The following TAFA1 variants were observed in gnomAD, a reference collection of about 807,000 sequenced individuals.
TAFA1 encodes the protein TAFA chemokine like family member 1.
In TAFA1, 4 loss-of-function variants were observed where a neutral mutation model predicts 18.5. That is an observed-to-expected ratio of 0.22 (90% confidence interval 0.11 to 0.49). The LOEUF (loss-of-function observed/expected upper bound fraction) is 0.49, where lower values mean the gene tolerates loss of function less well. Among genes scored for constraint, TAFA1 ranks in the 20% least tolerant of loss-of-function variants. The pLI is 0.98. For synonymous variants in TAFA1, 56 were observed against 55.2 expected (o/e 1.01, Z -0.06); for missense variants, 147 against 169.0 (o/e 0.87, Z 0.72).
intron 2 of TAFA1, among the ~76,000 whole-genome samples, chr3:68,218,172 C>T (rs957179381): frequency 6.6e-6 from 1 of 152,078 alleles, no homozygotes; most frequent in Admixed American, 6.6e-5. Context: ...GTCACAGTTA[C>T]AGAAATTCGA....
intron 1 of TAFA1, among the ~76,000 whole-genome samples, chr3:68,005,906 A>G (rs1704348963): frequency 1.3e-5 from 2 of 152,232 alleles, no homozygotes; most frequent in Non-Finnish European, 1.5e-5. Flanking sequence ...ATATTCATCC[A>G]TAAATACATA....
intron 2 of TAFA1, among the ~76,000 whole-genome samples, chr3:68,192,231 G>T (rs575970111): frequency 6.6e-6 from 1 of 151,888 alleles, no homozygotes; most frequent in East Asian, 2.0e-4. Context: ...AAACTAAACA[G>T]GAGTGATTAA....
chr3:68,033,379 T>A (rs868640262), intron 2 of TAFA1, among the ~76,000 whole-genome samples: 1 of 152,222 alleles, frequency 6.6e-6, no homozygotes, highest in Non-Finnish European at 1.5e-5. Context: ...TCATTTATCT[T>A]TATATCCTTT....
intron 2 of TAFA1, among the ~76,000 whole-genome samples, chr3:68,059,232 G>A (rs553265736): frequency 1.3e-5 from 2 of 151,964 alleles, no homozygotes; most frequent in African/African-American, 2.4e-5. Flanking sequence ...GAAAGTGCCA[G>A]GCACAGCACT....
intron 3 of TAFA1, among the ~76,000 whole-genome samples, chr3:68,516,709 A>C (rs1190082464): frequency 6.6e-6 from 1 of 152,242 alleles, no homozygotes; most frequent in Non-Finnish European, 1.5e-5. Context: ...CCACTGCTAA[A>C]TAAAATCATT....
intron 3 of TAFA1, among the ~76,000 whole-genome samples, chr3:68,521,346 G>T (rs981835866): frequency 5.3e-5 from 8 of 152,190 alleles, no homozygotes; most frequent in African/African-American, 1.9e-4. Context: ...GCTGGAGTGG[G>T]AAGTATCAAG....
In TAFA1 at chr3:68,115,201, A is replaced by G. The variant is rs181487429; in HGVS notation, c.118+108457A>G. On this transcript the variant is annotated intron_variant, in intron 2 of 4. Coordinates refer to ENST00000478136, the MANE Select transcript of TAFA1 (RefSeq NM_213609.4). ...AGTGGCAGTTACATGACAGTTTGCT[A>G]TACGGTAATTAATTAGTTAGTGCAC... is the stretch of plus-strand genomic sequence containing the variant. 2.7e-3 allele frequency among the ~76,000 whole-genome samples: 418 copies of G among 152,306 alleles called. 3 individuals are homozygous for G. The highest frequency in any genetic ancestry group is 9.6e-3 in the African/African-American group (401 of 41,562).
At chr3:68,320,213 T>C (rs944648061) in intron 2 of TAFA1, among the ~76,000 whole-genome samples, 1 of 152,240 alleles carries the variant, frequency 6.6e-6, no homozygotes, top group Non-Finnish European at 1.5e-5. Flanking sequence ...GCTTTCTTAC[T>C]GGTAAAGCAG....
intron 2 of TAFA1, among the ~76,000 whole-genome samples, chr3:68,155,675 A>G (rs1228901830): frequency 6.6e-6 from 1 of 152,152 alleles, no homozygotes; most frequent in Admixed American, 6.5e-5. Flanking sequence ...AAATTAACAA[A>G]TCATTCCATC....
intron 2 of TAFA1, among the ~76,000 whole-genome samples, chr3:68,384,407 C>T (rs2106684983): frequency 6.6e-6 from 1 of 152,118 alleles, no homozygotes; most frequent in South Asian, 2.1e-4. Context: ...TGATTTCTAT[C>T]TTAATTTCAT....
upstream of TAFA1, among the ~76,000 whole-genome samples, chr3:68,001,314 G>C (rs927680738): frequency 2.6e-5 from 4 of 152,178 alleles, no homozygotes; most frequent in Non-Finnish European, 5.9e-5. Context: ...TAATTGTAGA[G>C]ATAGGCTGCT....
At chr3:68,288,067 C>G (rs115848083) in intron 2 of TAFA1, among the ~76,000 whole-genome samples, 399 of 152,220 alleles carry the variant, frequency 2.6e-3, no homozygotes, top group African/African-American at 8.8e-3. Context: ...TCCGAAGCCT[C>G]CTTTGCTCTC....
At chr3:68,389,616 A>G (rs1235398990) in intron 2 of TAFA1, among the ~76,000 whole-genome samples, 1 of 152,176 alleles carries the variant, frequency 6.6e-6, no homozygotes, top group East Asian at 1.9e-4. Context: ...TCCCAGCAAC[A>G]ACAGCAGAGA....
intron 2 of TAFA1, among the ~76,000 whole-genome samples, chr3:68,186,824 CT>C (rs765936508): frequency 1.3e-5 from 2 of 152,050 alleles, no homozygotes; most frequent in African/African-American, 2.4e-5. Flanking sequence ...GAAGCTCAAG[CT>C]TTTGGGATGG....
rs78767295 is a variant in TAFA1, at chr3:68,229,902, G to T, written c.119-187378G>T. Among the ~76,000 whole-genome samples the T allele has an allele frequency of 6.6e-5, 10 of 152,304 alleles. No homozygotes were observed. In the East Asian group the frequency reaches 1.7e-3, roughly 26 times the overall value. ...GTTTATGACAAGTAAATGTGATGAT[G>T]TATGTAAAATCCTTAGAATAGCACA... On this transcript the variant is annotated intron_variant, in intron 2 of 4. Coordinates refer to ENST00000478136, the MANE Select transcript of TAFA1 (RefSeq NM_213609.4).
chr3:68,265,470 T>C (rs1337435810), intron 2 of TAFA1, among the ~76,000 whole-genome samples: 1 of 152,212 alleles, frequency 6.6e-6, no homozygotes, highest in Non-Finnish European at 1.5e-5. Flanking sequence ...TTTTTGACTT[T>C]TGTCAAGGTT....
chr3:68,100,279 G>T, intron 2 of TAFA1, among the ~76,000 whole-genome samples: 1 of 152,182 alleles, frequency 6.6e-6, no homozygotes, highest in Non-Finnish European at 1.5e-5. Flanking sequence ...GAGGTTAGGA[G>T]TTCAAGACCA....
chr3:68,055,184 ACT>A (rs2064518495), intron 2 of TAFA1, among the ~76,000 whole-genome samples: 1 of 151,936 alleles, frequency 6.6e-6, no homozygotes, highest in African/African-American at 2.4e-5. Context: ...CCCTGAAGAA[ACT>A]CTGGGAAATC....
chr3:68,497,806 A>C (rs2072573605), intron 3 of TAFA1, among the ~76,000 whole-genome samples: 1 of 152,206 alleles, frequency 6.6e-6, no homozygotes, highest in South Asian at 2.1e-4. Flanking sequence ...TTTGTTTCTT[A>C]GTACAGCTTT....
Sources: allele counts gnomAD v4.1 joint callset (sites outside exome capture counted in the v4.1 genomes callset), GRCh38; gene constraint gnomAD v4.1.1; transcripts MANE v1.5; gene names NCBI Gene and HGNC (gene_info 2026-07-23, HGNC 2026-07-21).